Variants in RORA observed in about 807,000 individuals in gnomAD.
RORA encodes the protein nuclear receptor ROR-alpha.
In RORA, 7 loss-of-function variants were observed where a neutral mutation model predicts 69.5. The ratio of observed to expected loss-of-function variants is 0.10; its 90% CI spans 0.06 to 0.19. The LOEUF (loss-of-function observed/expected upper bound fraction) is 0.19. RORA is among the 10% of genes least tolerant of loss of function. The probability of loss-of-function intolerance (pLI) is 1.00; values close to 1 mark genes in which losing one functional copy is unlikely to be tolerated. For synonymous variants in RORA, 261 were observed against 240.8 expected, an observed-to-expected ratio of 1.08 and a Z score of -0.78; for missense variants, 457 against 663.0, an observed-to-expected ratio of 0.69 and a Z score of 3.41.
At chr15:60,500,073 T>C in intron 9 of RORA, 69 bp from the exon 10 acceptor site, 1 of 936,108 alleles carries the variant, frequency 1.1e-6, no homozygotes, top group East Asian at 2.5e-5. Context: ...TTCTCCGGAT[T>C]CTTTTGATAC....
chr15:61,184,902 T>A (rs189754578), intron 1 of RORA, among the ~76,000 whole-genome samples: 1 of 148,138 alleles, frequency 6.8e-6, no homozygotes, highest in East Asian at 2.0e-4. Context: ...GGAAGATACC[T>A]CGAGCTCAGC....
At chr15:60,852,710 G>C (rs1435550092) in intron 1 of RORA, among the ~76,000 whole-genome samples, 3 of 152,158 alleles carry the variant, frequency 2.0e-5, no homozygotes, top group African/African-American at 7.2e-5. Flanking sequence ...AGCCTGGAAG[G>C]GAAATGAAGG....
chr15:60,772,301 T>C (rs2072089579), intron 1 of RORA, among the ~76,000 whole-genome samples: 1 of 152,094 alleles, frequency 6.6e-6, no homozygotes, highest in African/African-American at 2.4e-5. Context: ...ATTTTTAAAA[T>C]GACACAATTG....
At chr15:61,144,553 A>G (rs914190586) in intron 1 of RORA, among the ~76,000 whole-genome samples, 6 of 152,366 alleles carry the variant, frequency 3.9e-5, no homozygotes, top group African/African-American at 1.2e-4. Context: ...AATAATGGCT[A>G]GTCCATATAC....
chr15:60,540,895 G>C (rs1246089430), intron 2 of RORA, among the ~76,000 whole-genome samples: 1 of 152,150 alleles, frequency 6.6e-6, no homozygotes, highest in Non-Finnish European at 1.5e-5. Flanking sequence ...ATAGTCACAG[G>C]AACATGGTGT....
Position 60,503,663 on chromosome 15 carries a change from C to A in RORA, c.947G>T (p.Arg316Leu), listed in dbSNP as rs200561318. ...EEIENYQNKQ[R>L]EVMWQLCAIK... The stretch of plus-strand genomic sequence containing the variant: ...GGCACACAATTGCCACATCACCTCC[C>A]GCTGCTGTTAAAGAGGGAAACACAT... Residue 316 changes from arginine (R) to leucine (L), a missense_variant, in exon 7 of 11, where the codon CGG becomes CTG. This residue lies in a region of RORA where 304 missense variants were observed against 447.4 expected (regional missense o/e 0.68). Transcript: ENST00000335670. The A allele has an allele frequency of 6.2e-7, 1 of 1,613,784 alleles. No homozygotes were observed. Among genetic ancestry groups the A allele is most frequent in the Non-Finnish European group, 8.5e-7 (1 of 1,179,950 alleles).
At chr15:60,597,578 ATATATATATATATATAC>A (rs1567115366) in intron 2 of RORA, among the ~76,000 whole-genome samples, 2,293 of 10,874 alleles carry the variant, frequency 0.21, 170 homozygotes, top group East Asian at 0.34. Flanking sequence ...ATATATACAC[ATATATATATATATATAC>A]ACATATATAT....
rs369374622 is a variant in RORA at position 60,986,718 on chromosome 15, T to C, written c.166+242335A>G. Among the ~76,000 whole-genome samples the C allele has an allele frequency of 1.5e-4, 23 of 152,314 alleles. No homozygotes were observed. The East Asian group carries it at 2.5e-3, about 17-fold the overall frequency. On this transcript the variant is annotated intron_variant, in intron 1 of 10. Transcript: ENST00000335670. ...ATCATAAAGCACACATCACATGCTG[T>C]AGTTGTTGTCATTGACCTGTGTTTG...
At chr15:60,680,323 C>T (rs1302396316) in intron 1 of RORA, among the ~76,000 whole-genome samples, 7 of 152,196 alleles carry the variant, frequency 4.6e-5, no homozygotes, top group Non-Finnish European at 1.5e-5. Context: ...CCCAAAACGA[C>T]CTATCTATAT....
In RORA at chr15:60,505,647, G is replaced by T; in HGVS notation, c.821-18C>A. ...AAGGTGTTCTAAGGAGAAAACGGGAGATCACAAACACGAAAAGCGAAGTTC... is the reference window on the plus strand; with the variant it reads ...AAGGTGTTCTAAGGAGAAAACGGGATATCACAAACACGAAAAGCGAAGTTC... On this transcript the variant is annotated intron_variant, in intron 5 of 10. Transcript: ENST00000335670. The T allele has an allele frequency of 6.2e-7, 1 of 1,610,118 alleles. No homozygotes were observed. Among genetic ancestry groups the T allele is most frequent in the South Asian group, 1.1e-5 (1 of 90,292 alleles).
chr15:60,768,226 C>A (rs1329483974), intron 1 of RORA, among the ~76,000 whole-genome samples: 1 of 152,244 alleles, frequency 6.6e-6, no homozygotes. Flanking sequence ...GCACTCACTA[C>A]TTCCAATACC....
At chr15:60,684,382 G>A (rs2070706532) in intron 1 of RORA, among the ~76,000 whole-genome samples, 1 of 152,184 alleles carries the variant, frequency 6.6e-6, no homozygotes, top group African/African-American at 2.4e-5. Flanking sequence ...TTGGGAGGCC[G>A]AGATGGGTGG....
At chr15:60,603,899 C>T (rs959275217) in intron 2 of RORA, among the ~76,000 whole-genome samples, 2 of 152,066 alleles carry the variant, frequency 1.3e-5, no homozygotes, top group African/African-American at 4.8e-5. Context: ...CTTTGGGAGG[C>T]TGAGGTGGGT....
At chr15:61,159,242 ACCC>A (rs1297199455) in intron 1 of RORA, among the ~76,000 whole-genome samples, 1 of 152,010 alleles carries the variant, frequency 6.6e-6, no homozygotes, top group Non-Finnish European at 1.5e-5. Context: ...GAAATGCCAC[ACCC>A]CTTCGAGACA....
intron 1 of RORA, among the ~76,000 whole-genome samples, chr15:60,719,648 G>T (rs1186731429): frequency 6.6e-6 from 1 of 152,172 alleles, no homozygotes; most frequent in Non-Finnish European, 1.5e-5. Context: ...GGGGTTTGGG[G>T]AATCATGGCA....
chr15:61,025,154 C>T (rs1166031337), intron 1 of RORA, among the ~76,000 whole-genome samples: 1 of 152,114 alleles, frequency 6.6e-6, no homozygotes, highest in African/African-American at 2.4e-5. Flanking sequence ...AATGATGAGC[C>T]AGGGTCAAGC....
chr15:61,062,690 C>T (rs1463791544), intron 1 of RORA, among the ~76,000 whole-genome samples: 3 of 152,268 alleles, frequency 2.0e-5, no homozygotes, highest in East Asian at 3.9e-4. Flanking sequence ...AATGTATGCT[C>T]AGCATTCCTA....
chr15:61,152,553 T>C (rs1204961925), intron 1 of RORA, among the ~76,000 whole-genome samples: 1 of 151,886 alleles, frequency 6.6e-6, no homozygotes, highest in Non-Finnish European at 1.5e-5. Context: ...AAATATTCTA[T>C]TGTGTTTCAC....
intron 1 of RORA, among the ~76,000 whole-genome samples, chr15:60,722,419 T>C (rs2071305365): frequency 6.6e-6 from 1 of 152,234 alleles, no homozygotes; most frequent in Admixed American, 6.5e-5. Context: ...TATCTTTACA[T>C]ATGTACAAAT....
Sources: allele counts gnomAD v4.1 joint callset (sites outside exome capture counted in the v4.1 genomes callset), GRCh38; gene constraint gnomAD v4.1.1; regional missense constraint gnomAD v4.1.1; transcripts MANE v1.5; gene names NCBI Gene and HGNC (gene_info 2026-07-23, HGNC 2026-07-21).